The following CNTLN variants were observed in gnomAD, a reference collection of about 807,000 sequenced individuals.
The protein encoded by CNTLN is centlein, centrosomal protein.
In CNTLN, 212 loss-of-function variants were observed where a neutral mutation model predicts 180.0. The ratio of observed to expected loss-of-function variants is 1.18; its 90% CI spans 1.05 to 1.32. The LOEUF (loss-of-function observed/expected upper bound fraction) is 1.32. CNTLN is among the 40% of genes most tolerant of loss of function. The pLI is 0.00. For synonymous variants in CNTLN, 722 were observed against 563.1 expected, an observed-to-expected ratio of 1.28 and a Z score of -3.99; for missense variants, 2,095 against 1,610.9, an observed-to-expected ratio of 1.30 and a Z score of -5.14.
intron 15 of CNTLN, among the ~76,000 whole-genome samples, chr9:17,399,878 C>T (rs557394383): frequency 3.9e-5 from 6 of 152,112 alleles, no homozygotes; most frequent in Non-Finnish European, 8.8e-5. Context: ...ACTAAGTGTC[C>T]CCCAGTTTAC....
chr9:17,158,935 T>C (rs1586951196), intron 2 of CNTLN, among the ~76,000 whole-genome samples: 1 of 152,232 alleles, frequency 6.6e-6, no homozygotes, highest in Middle Eastern at 3.4e-3. Context: ...TTTATTTTTA[T>C]TGACTTGAGA....
At chr9:17,477,405 G>A (rs1419120096) in intron 23 of CNTLN, among the ~76,000 whole-genome samples, 1 of 152,190 alleles carries the variant, frequency 6.6e-6, no homozygotes, top group East Asian at 1.9e-4. Context: ...CATAGCTTCT[G>A]TAGATAGTGA....
intron 2 of CNTLN, among the ~76,000 whole-genome samples, chr9:17,186,607 T>A (rs1040826239): frequency 6.6e-6 from 1 of 152,306 alleles, no homozygotes; most frequent in Admixed American, 6.5e-5. Flanking sequence ...GTTATTAGTT[T>A]TTTTTCCTGG....
At chr9:17,214,366 A>T (rs1587183551) in intron 2 of CNTLN, among the ~76,000 whole-genome samples, 1 of 152,186 alleles carries the variant, frequency 6.6e-6, no homozygotes, top group South Asian at 2.1e-4. Flanking sequence ...TTTCTTTAAG[A>T]ATGTTGAATA....
At chr9:17,469,324 C>T (rs905889497) in intron 23 of CNTLN, among the ~76,000 whole-genome samples, 4 of 151,682 alleles carry the variant, frequency 2.6e-5, no homozygotes, top group South Asian at 2.1e-4. Context: ...TTTTCTTAAC[C>T]GTGTCTTAGT....
intron 23 of CNTLN, among the ~76,000 whole-genome samples, chr9:17,475,023 T>G (rs1832255251): frequency 6.6e-6 from 1 of 152,162 alleles, no homozygotes; most frequent in African/African-American, 2.4e-5. Context: ...TCTACTACAT[T>G]TTACCTCACT....
At chr9:17,166,394 C>G (rs59700619) in intron 2 of CNTLN, among the ~76,000 whole-genome samples, 2,891 of 152,130 alleles carry the variant, frequency 0.019, 57 homozygotes, top group African/African-American at 0.05. Context: ...CTATAACAGT[C>G]ATTAATAGGA....
At chr9:17,242,349 A>T (rs1428970661) in intron 5 of CNTLN, among the ~76,000 whole-genome samples, 1 of 151,094 alleles carries the variant, frequency 6.6e-6, no homozygotes. Context: ...TCGCTGTGTC[A>T]CCCAGGCGGG....
chr9:17,152,361 CTT>C (rs1454088294), intron 2 of CNTLN, among the ~76,000 whole-genome samples: 1 of 152,106 alleles, frequency 6.6e-6, no homozygotes, highest in Non-Finnish European at 1.5e-5. Flanking sequence ...TATGTTGTCT[CTT>C]TGTTCTCATT....
At chr9:17,490,508 A>T (rs2134353516) in intron 25 of CNTLN, among the ~76,000 whole-genome samples, 1 of 152,248 alleles carries the variant, frequency 6.6e-6, no homozygotes, top group Non-Finnish European at 1.5e-5. Context: ...TACATACTTT[A>T]TGATTCCATT....
chr9:17,196,035 C>G (rs917382752), intron 2 of CNTLN, among the ~76,000 whole-genome samples: 1 of 151,884 alleles, frequency 6.6e-6, no homozygotes, highest in Non-Finnish European at 1.5e-5. Context: ...TTATTTTTTA[C>G]TTTTTTGAGA....
chr9:17,300,942 A>C (rs144838865), intron 7 of CNTLN: 1 of 977,262 alleles, frequency 1.0e-6, no homozygotes, highest in East Asian at 1.1e-4. Flanking sequence ...TTATTCTACA[A>C]CTCTTACAGT....
chr9:17,208,162 G>A (rs1043984361), intron 2 of CNTLN, among the ~76,000 whole-genome samples: 16 of 152,154 alleles, frequency 1.1e-4, no homozygotes, highest in African/African-American at 3.9e-4. Context: ...GTTTTTGAGG[G>A]TTTTTATCCT....
chr9:17,412,868 A>G (rs1040725945), intron 16 of CNTLN, among the ~76,000 whole-genome samples: 6 of 152,244 alleles, frequency 3.9e-5, no homozygotes, highest in African/African-American at 1.4e-4. Flanking sequence ...GGCCTAAAAC[A>G]AAACAAAATA....
At chr9:17,403,404 G>A (rs1415764058) in intron 15 of CNTLN, among the ~76,000 whole-genome samples, 1 of 151,478 alleles carries the variant, frequency 6.6e-6, no homozygotes, top group African/African-American at 2.4e-5. Context: ...TGGGCTACTG[G>A]CACTGTTGAA....
intron 5 of CNTLN, among the ~76,000 whole-genome samples, chr9:17,261,915 G>A (rs754778948): frequency 2.0e-5 from 3 of 151,548 alleles, no homozygotes; most frequent in Non-Finnish European, 4.4e-5. Context: ...GTAGGCGAAG[G>A]ACATGAACAG....
chr9:17,248,301 T>C (rs1825925570), intron 5 of CNTLN, among the ~76,000 whole-genome samples: 1 of 152,028 alleles, frequency 6.6e-6, no homozygotes. Flanking sequence ...ATAACAGTTT[T>C]AGAGGGTTTG....
chr9:17,274,471 A>G (rs540588304), intron 6 of CNTLN, among the ~76,000 whole-genome samples: 29 of 144,948 alleles, frequency 2.0e-4, no homozygotes, highest in South Asian at 4.8e-4. Flanking sequence ...CTATCTATCT[A>G]TCTATCTATC....
At chr9:17,511,454 G>T in the CNTLN span, among the ~76,000 whole-genome samples, 1 of 152,098 alleles carries the variant, frequency 6.6e-6, no homozygotes, top group Non-Finnish European at 1.5e-5. Context: ...TGCAGTCATC[G>T]CAAGGCTTGA....
Sources: allele counts gnomAD v4.1 joint callset (sites outside exome capture counted in the v4.1 genomes callset), GRCh38; gene constraint gnomAD v4.1.1; transcripts MANE v1.5; gene names NCBI Gene and HGNC (gene_info 2026-07-23, HGNC 2026-07-21).